DAB2IP: variants seen among roughly 807,000 people sequenced by gnomAD.
The protein encoded by DAB2IP is DAB2 interacting protein, also known as disabled homolog 2-interacting protein.
Under a neutral mutation model 107.2 loss-of-function variants are expected in DAB2IP, and 28 were observed. That is an observed-to-expected ratio of 0.26 (90% CI 0.19 to 0.36). The LOEUF is 0.36. Ranked by LOEUF, DAB2IP falls within the 10% of genes least tolerant of loss-of-function variation. The probability of loss-of-function intolerance (pLI) is 1.00; values close to 1 mark genes in which losing one functional copy is unlikely to be tolerated. For missense variants in DAB2IP, 1,400 were observed against 1,644.7 expected (o/e 0.85, Z 2.57); for synonymous variants, 755 against 706.4 (o/e 1.07, Z -1.09).
chr9:121,588,583 A>ATG (rs1830356494), intron 1 of DAB2IP, among the ~76,000 whole-genome samples: 6 of 24,456 alleles, frequency 2.5e-4, no homozygotes, highest in Non-Finnish European at 4.5e-4. Context: ...TGAAGGGGGA[A>ATG]GGGAAGGGGG....
intron 3 of DAB2IP, among the ~76,000 whole-genome samples, chr9:121,735,021 C>T (rs1201635275): frequency 2.0e-5 from 3 of 152,236 alleles, no homozygotes; most frequent in Non-Finnish European, 4.4e-5. Flanking sequence ...GGGGGCTTCT[C>T]TGGCCCCAGG....
Position 121,773,013 on chromosome 9 carries a change from C to T in DAB2IP, c.2485C>T (p.Gln829Ter), listed in dbSNP as rs1287893316. 1 of 1,611,842 alleles carries T rather than the reference C, an allele frequency of 6.2e-7. No individual in the cohort carries two copies. Among genetic ancestry groups the T allele is most frequent in the African/African-American group, 1.3e-5 (1 of 74,926 alleles). ...CCAGCTGTTGGCACCGCTCTCCTTCCAGAACCCTGTGTACCAGATGGCGGC... is the reference window on the plus strand; with the variant it reads ...CCAGCTGTTGGCACCGCTCTCCTTCTAGAACCCTGTGTACCAGATGGCGGC... The change falls in exon 12 of 16, where the codon CAG becomes TAG. Residue 829 changes from glutamine to a stop codon, truncating the protein, a stop_gained. Coordinates refer to ENST00000408936, the Ensembl canonical transcript of DAB2IP. LOFTEE classifies it high-confidence loss of function.
intron 1 of DAB2IP, among the ~76,000 whole-genome samples, chr9:121,597,619 A>G (rs1053640361): frequency 2.6e-4 from 39 of 152,194 alleles, no homozygotes; most frequent in African/African-American, 9.2e-4. Context: ...GTTTTACATG[A>G]ACATCTACAT....
chr9:121,744,495 C>G (rs993223229), intron 3 of DAB2IP, among the ~76,000 whole-genome samples: 13 of 152,156 alleles, frequency 8.5e-5, no homozygotes, highest in Non-Finnish European at 1.5e-4. Flanking sequence ...CGGCTGGGGG[C>G]GGATGAGACT....
At chr9:121,724,295 G>A (rs1353062981) in intron 3 of DAB2IP, among the ~76,000 whole-genome samples, 3 of 145,508 alleles carry the variant, frequency 2.1e-5, no homozygotes, top group Non-Finnish European at 4.5e-5. Context: ...ACCCCTCCCC[G>A]TTCCCTGCCC....
At position 121,659,047 on chromosome 9, in the gene DAB2IP, A is replaced by G. The variant is rs118043074; in HGVS notation, c.124+7148A>G. ...TGGCCTTTGGAGGCGATGTGCCGACATAGTTGTGAAATGAAAAAAGGCAGA... is the reference window on the plus strand; with the variant it reads ...TGGCCTTTGGAGGCGATGTGCCGACGTAGTTGTGAAATGAAAAAAGGCAGA... On this transcript the variant is annotated intron_variant, in intron 1 of 15. Transcript: ENST00000408936. Among the ~76,000 whole-genome samples the G allele has an allele frequency of 1.3e-3, 195 of 152,318 alleles. 5 individuals are homozygous for G. The East Asian group carries it at 0.031, about 24-fold the overall frequency.
chr9:121,766,215 T>A (rs1326418933), intron 8 of DAB2IP, among the ~76,000 whole-genome samples: 1 of 152,208 alleles, frequency 6.6e-6, no homozygotes, highest in Non-Finnish European at 1.5e-5. Context: ...CAGCTCCTCA[T>A]GCCTCCTCCC....
intron 1 of DAB2IP, among the ~76,000 whole-genome samples, chr9:121,595,276 G>A (rs1402118374): frequency 6.6e-6 from 1 of 151,758 alleles, no homozygotes; most frequent in African/African-American, 2.4e-5. Context: ...AACAAACACT[G>A]TGTGTCTCCT....
intron 1 of DAB2IP, among the ~76,000 whole-genome samples, chr9:121,574,490 A>G (rs1282266047): frequency 1.3e-5 from 2 of 152,122 alleles, no homozygotes; most frequent in Non-Finnish European, 2.9e-5. Flanking sequence ...CTATAAGTGA[A>G]AAAATTAGGC....
rs1833254084 is a variant in DAB2IP at position 121,662,572 on chromosome 9, TGGAC to T, written c.124+10674_124+10677del. On this transcript the variant is annotated intron_variant, in intron 1 of 15. Coordinates refer to ENST00000408936, the Ensembl canonical transcript of DAB2IP. This position sits in a 1 kb window ranked among gnomAD's most constrained non-coding sequence, Gnocchi z 4.6. ...TTGAATAGCTGAGACAGAGACCATA[TGGAC>T]TTGTAAGCCTGAAATATTTGCTATC... 6.6e-6 allele frequency among the ~76,000 whole-genome samples: 1 copy of T among 152,214 alleles called. No homozygotes were observed. Among genetic ancestry groups the T allele is most frequent in the South Asian group, 2.1e-4 (1 of 4,830 alleles).
intron 1 of DAB2IP, among the ~76,000 whole-genome samples, chr9:121,620,132 C>T (rs2118992824): frequency 6.6e-6 from 1 of 152,338 alleles, no homozygotes; most frequent in African/African-American, 2.4e-5. Flanking sequence ...TCCTTCCCGG[C>T]TCTGACCCCC....
In DAB2IP at chr9:121,736,364, G is replaced by A. The variant is rs1421756449; in HGVS notation, c.363-20649G>A. 6.6e-6 allele frequency among the ~76,000 whole-genome samples: 1 copy of A among 152,284 alleles called. No individual in the cohort carries two copies. Among genetic ancestry groups the A allele is most frequent in the South Asian group, 2.1e-4 (1 of 4,828 alleles). On this transcript the variant is annotated intron_variant, in intron 3 of 15. Transcript: ENST00000408936. The surrounding 1 kb of genome is among the most constrained non-coding windows in gnomAD (Gnocchi z 4.6). The stretch of plus-strand genomic sequence containing the variant: ...GGACCCAGACTCGCACGAAGGTGGG[G>A]AAGGAGTTGCAAGGCAGAGACCCCC...
At chr9:121,766,789 C>T in intron 9 of DAB2IP, 59 bp downstream of exon 9, 1 of 1,558,536 alleles carries the variant, frequency 6.4e-7, no homozygotes, top group Non-Finnish European at 8.8e-7. Flanking sequence ...ACAGGGCAGG[C>T]CCTGGGGGTG....
chr9:121,692,282 C>T (rs1339491048), intron 2 of DAB2IP, among the ~76,000 whole-genome samples: 1 of 151,890 alleles, frequency 6.6e-6, no homozygotes, highest in Non-Finnish European at 1.5e-5. Flanking sequence ...TGTGTGTATT[C>T]GTGTGTGTGC....
At chr9:121,759,088 GGGATTGGGGGTGGTCAGCCTGCAT>G in intron 5 of DAB2IP, 92 bp downstream of exon 5, 1 of 1,322,862 alleles carries the variant, frequency 7.6e-7, no homozygotes, top group South Asian at 1.3e-5. Context: ...GGTGTGGGCT[GGGATTGGGGGTGGTCAGCCTGCAT>G]GGAGGCAGGG....
At chr9:121,655,983 G>C (rs1228404141) in intron 1 of DAB2IP, among the ~76,000 whole-genome samples, 2 of 152,070 alleles carry the variant, frequency 1.3e-5, no homozygotes, top group Admixed American at 6.6e-5. Context: ...GCCACCATGG[G>C]GGGTGGGTAA....
intron 3 of DAB2IP, among the ~76,000 whole-genome samples, chr9:121,744,304 G>A (rs943756489): frequency 1.3e-5 from 2 of 152,234 alleles, no homozygotes; most frequent in African/African-American, 4.8e-5. Context: ...GACTGTGTCT[G>A]GGCCAGGAGC....
In DAB2IP at chr9:121,772,964, C is replaced by G. The variant is rs948681501; in HGVS notation, c.2436C>G (p.Thr812=). Residue 812 remains threonine (T), a synonymous_variant, in exon 12 of 16, where the codon ACC becomes ACG. Coordinates refer to ENST00000408936, the Ensembl canonical transcript of DAB2IP. This position sits in a 1 kb window ranked among gnomAD's most constrained non-coding sequence, Gnocchi z 4.7. Reference sequence around the variant, plus strand: ...GCCAGACACCAACCACACCAGGCACCTCCGAGGGCGCGCCAGGCCGGCCCC... The same window carrying G: ...GCCAGACACCAACCACACCAGGCACGTCCGAGGGCGCGCCAGGCCGGCCCC... 12 of 1,589,526 alleles carry G rather than the reference C, an allele frequency of 7.5e-6. No homozygotes were observed. Among genetic ancestry groups the G allele is most frequent in the Non-Finnish European group, 9.4e-6 (11 of 1,169,826 alleles).
At chr9:121,664,608 A>G (rs1413583614) in intron 1 of DAB2IP, among the ~76,000 whole-genome samples, 1 of 152,210 alleles carries the variant, frequency 6.6e-6, no homozygotes, top group Non-Finnish European at 1.5e-5. Flanking sequence ...AAATTTATTA[A>G]GTATATTTTG....
Sources: allele counts gnomAD v4.1 joint callset (sites outside exome capture counted in the v4.1 genomes callset), GRCh38; gene constraint gnomAD v4.1.1; non-coding constraint Gnocchi (gnomAD v3.1); transcripts MANE v1.5; gene names NCBI Gene and HGNC (gene_info 2026-07-23, HGNC 2026-07-21).